Variants in DSCAM observed in about 807,000 individuals in gnomAD.
DSCAM encodes the protein cell adhesion molecule DSCAM.
In DSCAM, 47 loss-of-function variants were observed where a neutral mutation model predicts 217.7. The observed-to-expected ratio is 0.22, with a 90% CI of 0.17 to 0.28. The LOEUF (loss-of-function observed/expected upper bound fraction) is 0.28. Among genes scored for constraint, DSCAM ranks in the 10% least tolerant of loss-of-function variants. DSCAM has a pLI of 1.00. For missense variants in DSCAM, 2,080 were observed against 2,618.3 expected (o/e 0.79, Z 4.49); for synonymous variants, 1,056 against 1,015.3 (o/e 1.04, Z -0.76).
intron 26 of DSCAM, 137 bp downstream of exon 26, chr21:40,078,550 T>C: frequency 1.8e-6 from 2 of 1,138,940 alleles, no homozygotes; most frequent in Non-Finnish European, 2.4e-6. Context: ...CAGAGTCCAT[T>C]GAATCCCGAA....
Position 40,082,430 on chromosome 21 carries a change from G to A in DSCAM, c.4231+1478C>T, listed in dbSNP as rs187451474. Among the ~76,000 whole-genome samples, 1,028 of 152,178 alleles carry A rather than the reference G, an allele frequency of 6.8e-3. 10 individuals are homozygous for A. Among genetic ancestry groups the A allele is most frequent in the Non-Finnish European group, 0.012 (795 of 67,994 alleles). ...AGCCGAGATCGTGCCACTGCACTCC[G>A]GCCTGGGCGACAGAGTGAGACTCCG... On this transcript the variant is annotated intron_variant, in intron 24 of 32. Transcript: ENST00000400454.
intron 3 of DSCAM, among the ~76,000 whole-genome samples, chr21:40,510,484 T>A (rs1269702671): frequency 6.6e-6 from 1 of 152,198 alleles, no homozygotes; most frequent in Non-Finnish European, 1.5e-5. Flanking sequence ...TAAACATTTG[T>A]TCGAAATCAA....
At chr21:40,070,332 G>A (rs1242459993) in intron 27 of DSCAM, among the ~76,000 whole-genome samples, 1 of 143,348 alleles carries the variant, frequency 7.0e-6, no homozygotes, top group Non-Finnish European at 1.5e-5. Context: ...AGGAAAGAAG[G>A]AAGGTAGGGA....
chr21:40,504,472 G>A (rs1370628485), intron 3 of DSCAM, among the ~76,000 whole-genome samples: 1 of 152,168 alleles, frequency 6.6e-6, no homozygotes, highest in East Asian at 1.9e-4. Context: ...TCTCGATGTG[G>A]AATACTGTGG....
At chr21:40,333,317 G>A (rs934512883) in intron 8 of DSCAM, among the ~76,000 whole-genome samples, 3 of 152,152 alleles carry the variant, frequency 2.0e-5, no homozygotes, top group Admixed American at 6.5e-5. Flanking sequence ...GACCATTGGA[G>A]TATAATTTAC....
intron 11 of DSCAM, among the ~76,000 whole-genome samples, chr21:40,203,826 A>T (rs1385016408): frequency 6.6e-6 from 1 of 152,190 alleles, no homozygotes; most frequent in African/African-American, 2.4e-5. Flanking sequence ...ATAGGCAAGG[A>T]TTGTAAGAAA....
chr21:40,369,715 T>C (rs2074875141), intron 3 of DSCAM, among the ~76,000 whole-genome samples: 1 of 152,136 alleles, frequency 6.6e-6, no homozygotes, highest in Admixed American at 6.6e-5. Flanking sequence ...TTTAAAATGT[T>C]TCAATAAAAG....
rs951782373 is a variant in DSCAM at position 40,016,959 on chromosome 21, T to C, written c.5687-3573A>G. ...GGGGAAACCCCGTCTCTACTGAAAA[T>C]AGAAAAATCAGCTGGACGTGGTGGT... On this transcript the variant is annotated intron_variant, in intron 32 of 32. Coordinates refer to ENST00000400454, the MANE Select transcript of DSCAM (RefSeq NM_001389.5). The surrounding 1 kb of genome is among the most constrained non-coding windows in gnomAD (Gnocchi z 4.3). Among the ~76,000 whole-genome samples the C allele has an allele frequency of 3.3e-5, 5 of 151,836 alleles. No homozygotes were observed. Among genetic ancestry groups the C allele is most frequent in the Non-Finnish European group, 5.9e-5 (4 of 67,956 alleles).
intron 1 of DSCAM, among the ~76,000 whole-genome samples, chr21:40,784,000 A>C (rs2091569914): frequency 1.3e-5 from 2 of 151,012 alleles, no homozygotes; most frequent in African/African-American, 4.8e-5. Flanking sequence ...TTAAAAGAAA[A>C]TTTTCTTTTA....
At chr21:40,470,000 A>T (rs374063430) in intron 3 of DSCAM, among the ~76,000 whole-genome samples, 3 of 152,248 alleles carry the variant, frequency 2.0e-5, no homozygotes, top group East Asian at 1.9e-4. Context: ...CTATTCCAAC[A>T]TGTTTAAAAT....
At chr21:40,627,786 G>A (rs2089621677) in intron 3 of DSCAM, among the ~76,000 whole-genome samples, 1 of 152,296 alleles carries the variant, frequency 6.6e-6, no homozygotes, top group African/African-American at 2.4e-5. Context: ...ATTTAAGCAT[G>A]GTTGCACAGA....
chr21:40,425,560 A>C (rs1185356029), intron 3 of DSCAM, among the ~76,000 whole-genome samples: 1 of 151,110 alleles, frequency 6.6e-6, no homozygotes, highest in African/African-American at 2.4e-5. Flanking sequence ...AACATACAAA[A>C]ATTAGCTGGG....
At position 40,277,893 on chromosome 21, in the gene DSCAM, T is replaced by G. The variant is rs941875068; in HGVS notation, c.2183-1623A>C. Among the ~76,000 whole-genome samples the G allele has an allele frequency of 8.8e-5, 13 of 148,060 alleles. 1 individual carries two copies. The highest frequency in any genetic ancestry group is 1.5e-4 in the African/African-American group (6 of 40,466). On this transcript the variant is annotated intron_variant, in intron 10 of 32. Coordinates refer to ENST00000400454, the MANE Select transcript of DSCAM (RefSeq NM_001389.5). ...CAAAAAAAAAAAAAAAGAAAAATAA[T>G]AAGAAGAAAATAAAAGTACACGAAT...
intron 11 of DSCAM, among the ~76,000 whole-genome samples, chr21:40,225,313 CT>C (rs1231282848): frequency 6.6e-6 from 1 of 152,180 alleles, no homozygotes; most frequent in African/African-American, 2.4e-5. Flanking sequence ...GCACCTTGCC[CT>C]TTGGACCAAG....
chr21:40,718,631 CAT>C (rs67550775), intron 1 of DSCAM, among the ~76,000 whole-genome samples: 3,775 of 152,180 alleles, frequency 0.025, 59 homozygotes, highest in Non-Finnish European at 0.034. Flanking sequence ...CCTCCCAAAA[CAT>C]GTGGGAATTC....
At chr21:40,655,637 G>A (rs2090066794) in intron 3 of DSCAM, among the ~76,000 whole-genome samples, 1 of 151,724 alleles carries the variant, frequency 6.6e-6, no homozygotes, top group Non-Finnish European at 1.5e-5. Flanking sequence ...AATTTTTGTA[G>A]AGACAGGATT....
intron 32 of DSCAM, among the ~76,000 whole-genome samples, chr21:40,028,790 C>T (rs1398036294): frequency 3.3e-5 from 5 of 152,202 alleles, no homozygotes; most frequent in Non-Finnish European, 4.4e-5. Context: ...CGAGATCACC[C>T]GTCTTCTGCG....
At chr21:40,136,794 A>G (rs553805501) in intron 18 of DSCAM, among the ~76,000 whole-genome samples, 2 of 152,258 alleles carry the variant, frequency 1.3e-5, no homozygotes, top group East Asian at 3.9e-4. Context: ...TTGAATCAGA[A>G]TGCAACTCTT....
At chr21:40,575,474 A>G (rs1049288681) in intron 3 of DSCAM, among the ~76,000 whole-genome samples, 1 of 95,978 alleles carries the variant, frequency 1.0e-5, no homozygotes, top group African/African-American at 4.0e-5. Flanking sequence ...GGAATAGAAT[A>G]GAGATCTACA....
Sources: gnomAD v4.1 joint callset for allele counts (sites outside exome capture counted in the v4.1 genomes callset) on GRCh38, gnomAD v4.1.1 for gene constraint, Gnocchi (gnomAD v3.1) non-coding constraint, MANE v1.5 for transcripts, NCBI Gene and HGNC (gene_info 2026-07-23, HGNC 2026-07-21) for gene names.